DAB1: variants seen among roughly 807,000 people sequenced by gnomAD.
The protein encoded by DAB1 is disabled homolog 1.
A neutral mutation model predicts 64.6 loss-of-function variants in DAB1; 15 were observed. That is an observed-to-expected ratio of 0.23 (90% CI 0.16 to 0.36). The LOEUF (loss-of-function observed/expected upper bound fraction) is 0.36, where lower values mean the gene tolerates loss of function less well. Ranked by LOEUF, DAB1 falls within the 10% of genes least tolerant of loss-of-function variation. The pLI, the probability that DAB1 is intolerant of heterozygous loss-of-function variation, is 1.00. For synonymous variants in DAB1, 235 were observed against 251.9 expected, an observed-to-expected ratio of 0.93 and a Z score of 0.64; for missense variants, 596 against 706.7, an observed-to-expected ratio of 0.84 and a Z score of 1.78.
At chr1:57,514,429 G>C (rs533783730) in intron 7 of DAB1, among the ~76,000 whole-genome samples, 20 of 152,280 alleles carry the variant, frequency 1.3e-4, no homozygotes, top group African/African-American at 4.1e-4. Context: ...CTGATGTTTA[G>C]TCATGTTACT....
At position 57,009,002 on chromosome 1, in the gene DAB1, A is replaced by T. The variant is rs191579539; in HGVS notation, c.*15+1678T>A. Among the ~76,000 whole-genome samples the T allele has an allele frequency of 2.0e-4, 31 of 152,334 alleles. 1 individual carries two copies. Among genetic ancestry groups the T allele is most frequent in the African/African-American group, 7.5e-4 (31 of 41,576 alleles). ...GGAACAGACCAAAGCCCCATGAAAC[A>T]GTTTGGCTTGTAGGATTGTCTCAAG... is the stretch of plus-strand genomic sequence containing the variant. On this transcript the variant is annotated intron_variant, in intron 14 of 14. Coordinates refer to ENST00000371236, the MANE Select transcript of DAB1 (RefSeq NM_001365792.1).
In DAB1 at chr1:56,995,386, C is replaced by T. The variant is rs1645579418; in HGVS notation, c.*2758G>A. The T allele has an allele frequency of 6.6e-6, 1 of 152,172 alleles. No individual in the cohort carries two copies. Among genetic ancestry groups the T allele is most frequent in the Non-Finnish European group, 1.5e-5 (1 of 68,038 alleles). 9.4% of individuals were successfully genotyped at this position (152,172 alleles called of 1,614,324 possible). Reference sequence around the variant, plus strand: ...CAGGATACGGTGCTTCCAGGCTCACCAAACAGTGCTTGGAAAAAAATCAGA... The same window carrying T: ...CAGGATACGGTGCTTCCAGGCTCACTAAACAGTGCTTGGAAAAAAATCAGA... On this transcript the variant is annotated 3_prime_UTR_variant, in exon 15 of 15. Coordinates refer to ENST00000371236, the MANE Select transcript of DAB1 (RefSeq NM_001365792.1).
At chr1:58,537,501 A>G (rs759711557) in intron 1 of DAB1, among the ~76,000 whole-genome samples, 36 of 152,216 alleles carry the variant, frequency 2.4e-4, no homozygotes, top group African/African-American at 7.2e-5. Context: ...GATTTTATAG[A>G]TAACATCTGA....
rs1046508729 is a variant in DAB1, at chr1:57,290,855, T to A, written c.67+109A>T. 2.3e-5 allele frequency: 14 copies of A among 610,448 alleles called. No individual in the cohort carries two copies. In the African/African-American group the frequency reaches 2.5e-4, roughly 11 times the overall value. The allele number at this position is 610,448 out of a possible 1,614,324, so 37.8% of individuals were successfully genotyped here. On this transcript the variant is annotated intron_variant, in intron 2 of 14. Coordinates refer to ENST00000371236, the MANE Select transcript of DAB1 (RefSeq NM_001365792.1). ...ACACAAAACACACAAAATAACTATT[T>A]AAAAATATATGCAATCATAAAGATA... is the stretch of plus-strand genomic sequence containing the variant.
intron 7 of DAB1, among the ~76,000 whole-genome samples, chr1:57,537,710 G>C (rs1468810043): frequency 6.6e-6 from 1 of 152,266 alleles, no homozygotes; most frequent in African/African-American, 2.4e-5. Flanking sequence ...GAAGGCATCT[G>C]CTTTGTCACC....
At chr1:57,072,256 A>G in intron 5 of DAB1, 27 bp downstream of exon 5, 1 of 1,611,172 alleles carries the variant, frequency 6.2e-7, no homozygotes, top group Non-Finnish European at 8.5e-7. Flanking sequence ...CCAAGGAAAG[A>G]CTCCCTTCTT....
At chr1:58,506,206 A>AATTTACTAATTT (rs1341587829) in exon 3 of DAB1, 1 of 866,750 alleles carries the variant, frequency 1.2e-6, no homozygotes, top group Admixed American at 1.7e-5. Context: ...ATGTCTGCAC[A>AATTTACTAATTT]AGCCTAAAAC....
At chr1:58,543,824 C>T (rs1265776408) in intron 1 of DAB1, among the ~76,000 whole-genome samples, 1 of 152,192 alleles carries the variant, frequency 6.6e-6, no homozygotes, top group Non-Finnish European at 1.5e-5. Context: ...AAAGAAGCAC[C>T]ATACAACAGA....
At chr1:57,594,395 G>A (rs964084097) in intron 7 of DAB1, among the ~76,000 whole-genome samples, 1 of 152,078 alleles carries the variant, frequency 6.6e-6, no homozygotes, top group African/African-American at 2.4e-5. Flanking sequence ...TCTGTTTCTG[G>A]AGCACCCTGG....
chr1:57,761,540 T>C (rs1194582086), intron 6 of DAB1, among the ~76,000 whole-genome samples: 1 of 152,220 alleles, frequency 6.6e-6, no homozygotes, highest in African/African-American at 2.4e-5. Flanking sequence ...TCTTCACTTC[T>C]ACCCCAAGGC....
chr1:57,166,745 G>T (rs1186064688), intron 2 of DAB1, among the ~76,000 whole-genome samples: 2 of 152,170 alleles, frequency 1.3e-5, no homozygotes, highest in Non-Finnish European at 2.9e-5. Flanking sequence ...TGTTGTAAAA[G>T]ACCTTACATC....
intron 1 of DAB1, among the ~76,000 whole-genome samples, chr1:57,359,392 T>C (rs954214997): frequency 6.6e-6 from 1 of 151,984 alleles, no homozygotes; most frequent in Non-Finnish European, 1.5e-5. Context: ...CACAATAAGA[T>C]ATCCCCCTAC....
chr1:57,899,411 A>G (rs1388817986), intron 5 of DAB1, among the ~76,000 whole-genome samples: 3 of 152,150 alleles, frequency 2.0e-5, no homozygotes, highest in Non-Finnish European at 4.4e-5. Flanking sequence ...ATTATGTCCT[A>G]TTCAGGAACT....
chr1:57,023,392 T>G, intron 11 of DAB1, 139 bp downstream of exon 11: 1 of 612,330 alleles, frequency 1.6e-6, no homozygotes, highest in Non-Finnish European at 3.0e-6. Flanking sequence ...CTCCTCTAAA[T>G]AGCTTCTCAA....
intron 3 of DAB1, among the ~76,000 whole-genome samples, chr1:57,137,936 A>G (rs1658271917): frequency 6.6e-6 from 1 of 152,154 alleles, no homozygotes; most frequent in African/African-American, 2.4e-5. Context: ...CTGGTTCTGT[A>G]TAATCTTGGA....
At chr1:57,016,236 G>A (rs2100334714) in intron 11 of DAB1, among the ~76,000 whole-genome samples, 1 of 151,992 alleles carries the variant, frequency 6.6e-6, no homozygotes, top group African/African-American at 2.4e-5. Context: ...GGTAGCGAGA[G>A]GTATTATGCA....
chr1:57,447,604 T>C (rs1686191445), intron 7 of DAB1, among the ~76,000 whole-genome samples: 1 of 152,228 alleles, frequency 6.6e-6, no homozygotes, highest in Non-Finnish European at 1.5e-5. Flanking sequence ...AAAAATATTA[T>C]ATGATGGTTA....
At chr1:58,521,541 A>G (rs1236918410) in intron 2 of DAB1, among the ~76,000 whole-genome samples, 4 of 152,140 alleles carry the variant, frequency 2.6e-5, no homozygotes, top group Non-Finnish European at 4.4e-5. Flanking sequence ...AGCAAAAAAA[A>G]GACAAGACAA....
At chr1:57,324,158 T>C (rs1280348002) in intron 1 of DAB1, among the ~76,000 whole-genome samples, 1 of 152,154 alleles carries the variant, frequency 6.6e-6, no homozygotes, top group Non-Finnish European at 1.5e-5. Context: ...AATTAACAGG[T>C]CAATAGCATT....
Sources: allele counts gnomAD v4.1 joint callset (sites outside exome capture counted in the v4.1 genomes callset), GRCh38; gene constraint gnomAD v4.1.1; transcripts MANE v1.5; gene names NCBI Gene and HGNC (gene_info 2026-07-23, HGNC 2026-07-21).